Variants in SLFN5 observed in about 807,000 individuals in gnomAD.
SLFN5 encodes schlafen family member 5.
In SLFN5, 34 loss-of-function variants were observed where a neutral mutation model predicts 48.5. That is an observed-to-expected ratio of 0.70 (90% CI 0.53 to 0.93). The LOEUF (loss-of-function observed/expected upper bound fraction) is 0.93, where lower values mean the gene tolerates loss of function less well. Among genes scored for constraint, SLFN5 ranks in the 40% least tolerant of loss-of-function variants. The pLI, the probability that SLFN5 is intolerant of heterozygous loss-of-function variation, is 0.00. For synonymous variants in SLFN5, 387 were observed against 396.2 expected (o/e 0.98, Z 0.28); for missense variants, 1,006 against 1,071.3 (o/e 0.94, Z 0.85).
At chr17:35,244,363 G>A (rs1403240799) in intron 1 of SLFN5, among the ~76,000 whole-genome samples, 3 of 152,064 alleles carry the variant, frequency 2.0e-5, no homozygotes, top group Non-Finnish European at 4.4e-5. Flanking sequence ...AGGATGGGGG[G>A]AACTTTTCAA....
intron 1 of SLFN5, among the ~76,000 whole-genome samples, chr17:35,249,507 CTCTT>C (rs1245272933): frequency 6.6e-6 from 1 of 152,192 alleles, no homozygotes; most frequent in Non-Finnish European, 1.5e-5. Flanking sequence ...CATGGTACTA[CTCTT>C]TCTATGTTAA....
At chr17:35,249,685 T>A (rs1216434882) in intron 1 of SLFN5, among the ~76,000 whole-genome samples, 1 of 152,236 alleles carries the variant, frequency 6.6e-6, no homozygotes, top group African/African-American at 2.4e-5. Flanking sequence ...CTCTTTGATA[T>A]CATGCCTATG....
chr17:35,265,113 C>T lies in SLFN5; in HGVS notation c.1901C>T (p.Thr634Ile). Residue 634 changes from threonine to isoleucine, a missense_variant, in exon 5 of 5, where the codon ACC (threonine) becomes ATC (isoleucine). Coordinates refer to ENST00000299977, the MANE Select transcript of SLFN5 (RefSeq NM_144975.4). Reference sequence around the variant, plus strand: ...ATCTGCCAGCCAGTGACCCGGAAAACCTTCATGAAAAACAACTTTGAACAC... The same window carrying T: ...ATCTGCCAGCCAGTGACCCGGAAAATCTTCATGAAAAACAACTTTGAACAC... ...KNICQPVTRK[T>I]FMKNNFEHIQ... is the part of the protein sequence containing the mutation. 6.2e-7 allele frequency: 1 copy of T among 1,613,540 alleles called. No individual in the cohort carries two copies. Among genetic ancestry groups the T allele is most frequent in the Middle Eastern group, 1.7e-4 (1 of 6,058 alleles).
chr17:35,246,296 T>C (rs2092430413), intron 1 of SLFN5, among the ~76,000 whole-genome samples: 1 of 152,196 alleles, frequency 6.6e-6, no homozygotes, highest in South Asian at 2.1e-4. Flanking sequence ...TTTCTTTTTT[T>C]CTTAAACTTT....
chr17:35,264,225 A>T lies in SLFN5; in HGVS notation c.1181A>T (p.Lys394Met). ...GTATATACTCCAGAAAGCCTCTACAAGGAACTCTTCTCACAACATAAAGGA... is the reference window on the plus strand; with the variant it reads ...GTATATACTCCAGAAAGCCTCTACATGGAACTCTTCTCACAACATAAAGGA... ...RVVYTPESLY[K>M]ELFSQHKGLR... The change falls in exon 4 of 5, where the codon AAG becomes ATG. Residue 394 changes from lysine (K) to methionine (M), a missense_variant. Transcript: ENST00000299977. The T allele has an allele frequency of 6.2e-7, 1 of 1,613,624 alleles. No homozygotes were observed. Among genetic ancestry groups the T allele is most frequent in the Non-Finnish European group, 8.5e-7 (1 of 1,179,870 alleles).
chr17:35,249,130 C>T (rs893028056), intron 1 of SLFN5, among the ~76,000 whole-genome samples: 1 of 152,108 alleles, frequency 6.6e-6, no homozygotes, highest in Non-Finnish European at 1.5e-5. Context: ...TAAAAAGCAG[C>T]CCTTTCATCT....
Position 35,259,291 on chromosome 17 carries a change from T to C in SLFN5, c.601T>C (p.Ser201Pro). ...CACACATGTTGAATTTGTAATGTTC[T>C]CGACAGACGTGTCACACTGTGTTAA... is the stretch of plus-strand genomic sequence containing the variant. The part of the protein sequence containing the change: ...ESTHVEFVMF[S>P]TDVSHCVKDR... Residue 201 changes from serine to proline, a missense_variant, in exon 2 of 5, where the codon TCG becomes CCG. Transcript: ENST00000299977. 1 of 1,614,198 alleles carries C rather than the reference T, an allele frequency of 6.2e-7. No homozygotes were observed. Among genetic ancestry groups the C allele is most frequent in the Non-Finnish European group, 8.5e-7 (1 of 1,180,046 alleles).
intron 1 of SLFN5, among the ~76,000 whole-genome samples, chr17:35,255,603 T>C (rs1008771865): frequency 1.3e-5 from 2 of 152,224 alleles, no homozygotes; most frequent in Non-Finnish European, 2.9e-5. Flanking sequence ...CAGGGAACCA[T>C]TGTCTGCCTG....
chr17:35,253,863 A>T (rs958306180), intron 1 of SLFN5, among the ~76,000 whole-genome samples: 37 of 151,356 alleles, frequency 2.4e-4, no homozygotes, highest in African/African-American at 8.8e-4. Context: ...TTGCCTGGCT[A>T]ATTTTTGTAT....
In SLFN5 at chr17:35,259,541, A is replaced by G. The variant is rs887524921; in HGVS notation, c.851A>G (p.His284Arg). The G allele has an allele frequency of 8.7e-6, 14 of 1,614,056 alleles. No homozygotes were observed. Among genetic ancestry groups the G allele is most frequent in the Non-Finnish European group, 1.2e-5 (14 of 1,180,050 alleles). Residue 284 changes from histidine to arginine, a missense_variant, in exon 2 of 5, where the codon CAT (histidine) becomes CGT (arginine). By Grantham distance (29) the His-to-Arg change is conservative (BLOSUM62 0). Coordinates refer to ENST00000299977, the MANE Select transcript of SLFN5 (RefSeq NM_144975.4). ...IKYVLNFLEVHDKGALRGYVC... is the reference protein window; with the variant it reads ...IKYVLNFLEVRDKGALRGYVC... ...TATGTCCTTAACTTCCTTGAAGTGC[A>G]TGATAAGGGGGCCCTCCGTGGATAT...
At position 35,269,026 on chromosome 17, in the gene SLFN5, C is replaced by T. The variant is rs546153784; in HGVS notation, c.*3138C>T. The T allele has an allele frequency of 6.6e-6, 1 of 152,246 alleles. No homozygotes were observed. The highest frequency in any genetic ancestry group is 6.5e-5 in the Admixed American group (1 of 15,286). 9.4% of individuals were successfully genotyped at this position (152,246 alleles called of 1,614,324 possible). A position where few individuals can be genotyped will look rare whatever the true frequency, so the allele number is the denominator to read the frequency against. ...TTTGCAATTGTTTCATATATTTTGTCTTATTTTGCAATTGTTTCAGGAGGG... is the reference window on the plus strand; with the variant it reads ...TTTGCAATTGTTTCATATATTTTGTTTTATTTTGCAATTGTTTCAGGAGGG... On this transcript the variant is annotated 3_prime_UTR_variant, in exon 5 of 5. Coordinates refer to ENST00000299977, the MANE Select transcript of SLFN5 (RefSeq NM_144975.4).
At chr17:35,253,590 G>A (rs1017337795) in intron 1 of SLFN5, among the ~76,000 whole-genome samples, 1 of 151,902 alleles carries the variant, frequency 6.6e-6, no homozygotes, top group African/African-American at 2.4e-5. Context: ...GCCCAGGCTG[G>A]TCTTAAGCTC....
At chr17:35,259,893 C>G in intron 2 of SLFN5, 191 bp downstream of exon 2, 1 of 669,724 alleles carries the variant, frequency 1.5e-6, no homozygotes, top group Non-Finnish European at 2.4e-6. Context: ...CTTCTGCCAT[C>G]TTAAATAGTC....
chr17:35,263,515 A>C lies in SLFN5; in HGVS notation c.1139-668A>C, dbSNP rs549587985. Reference sequence around the variant, plus strand: ...TTCTCCTCTTCAACTCACTAACTCCAAGTCATCCTTTAATAATCAGCTCAG... The same window carrying C: ...TTCTCCTCTTCAACTCACTAACTCCCAGTCATCCTTTAATAATCAGCTCAG... On this transcript the variant is annotated intron_variant, in intron 3 of 4. Coordinates refer to ENST00000299977, the MANE Select transcript of SLFN5 (RefSeq NM_144975.4). Among the ~76,000 whole-genome samples the C allele has an allele frequency of 2.1e-4, 32 of 152,240 alleles. No individual in the cohort carries two copies. In the South Asian group the frequency reaches 6.6e-3, roughly 32 times the overall value.
intron 1 of SLFN5, among the ~76,000 whole-genome samples, chr17:35,245,796 A>C (rs1244270657): frequency 6.7e-6 from 1 of 149,312 alleles, no homozygotes; most frequent in Non-Finnish European, 1.5e-5. Context: ...TGTTATGAAC[A>C]TTCATGCACA....
At chr17:35,250,094 T>A (rs938567220) in intron 1 of SLFN5, among the ~76,000 whole-genome samples, 1 of 152,198 alleles carries the variant, frequency 6.6e-6, no homozygotes, top group South Asian at 2.1e-4. Flanking sequence ...ACCAAGTGGA[T>A]GAAGATATTG....
rs1904834633 is a variant in SLFN5, at chr17:35,271,679, G to C, written c.*5791G>C. 6.6e-6 allele frequency: 1 copy of C among 152,128 alleles called. No homozygotes were observed. The highest frequency in any genetic ancestry group is 2.4e-5 in the African/African-American group (1 of 41,416). 9.4% of individuals were successfully genotyped at this position (152,128 alleles called of 1,614,324 possible). On this transcript the variant is annotated 3_prime_UTR_variant, in exon 5 of 5. Coordinates refer to ENST00000299977, the MANE Select transcript of SLFN5 (RefSeq NM_144975.4). ...TTTTCACTGTTAATCTATAAATTCA[G>C]TGTAATCCCAATAAAAATGCCAACA...
In SLFN5 at chr17:35,271,930, C is replaced by T. The variant is rs1261091389; in HGVS notation, c.*6042C>T. The T allele has an allele frequency of 1.3e-5, 2 of 151,946 alleles. No homozygotes were observed. The highest frequency in any genetic ancestry group is 4.8e-5 in the African/African-American group (2 of 41,312). The allele number at this position is 151,946 out of a possible 1,614,324, so 9.4% of individuals were successfully genotyped here. A position where few individuals can be genotyped will look rare whatever the true frequency, so the allele number is the denominator to read the frequency against. ...CCTATAGTCCTAGCTACTCGGGAGG[C>T]TGAGGTGGGAGAATCACCCAAGCCT... On this transcript the variant is annotated 3_prime_UTR_variant, in exon 5 of 5. Coordinates refer to ENST00000299977, the MANE Select transcript of SLFN5 (RefSeq NM_144975.4).
rs1904741488 is a variant in SLFN5, at chr17:35,267,896, C to T, written c.*2008C>T. On this transcript the variant is annotated 3_prime_UTR_variant, in exon 5 of 5. Coordinates refer to ENST00000299977, the MANE Select transcript of SLFN5 (RefSeq NM_144975.4). ...GGTGGCGGAGGTATTGAGCAGGCAG[C>T]TCAGGGAAATGCCAGGGAGACCCTT... The T allele has an allele frequency of 6.6e-6, 1 of 152,206 alleles. No homozygotes were observed. Among genetic ancestry groups the T allele is most frequent in the Non-Finnish European group, 1.5e-5 (1 of 68,050 alleles). The allele number at this position is 152,206 out of a possible 1,614,324, so 9.4% of individuals were successfully genotyped here. A position where few individuals can be genotyped will look rare whatever the true frequency, so the allele number is the denominator to read the frequency against.
Sources: allele counts gnomAD v4.1 joint callset (sites outside exome capture counted in the v4.1 genomes callset), GRCh38; gene constraint gnomAD v4.1.1; transcripts MANE v1.5; gene names NCBI Gene and HGNC (gene_info 2026-07-23, HGNC 2026-07-21).